Variants in MRAP2 observed in about 807,000 individuals in gnomAD.
MRAP2 encodes the protein melanocortin-2 receptor accessory protein 2.
Under a neutral mutation model 17.4 loss-of-function variants are expected in MRAP2, and 20 were observed. The ratio of observed to expected loss-of-function variants is 1.15; its 90% CI spans 0.81 to 1.67. The LOEUF is 1.67. Among genes scored for constraint, MRAP2 ranks in the 40% most tolerant of loss-of-function variants. The probability of loss-of-function intolerance (pLI) is 0.00; values close to 1 mark genes in which losing one functional copy is unlikely to be tolerated. For synonymous variants in MRAP2, 96 were observed against 88.4 expected, an observed-to-expected ratio of 1.09 and a Z score of -0.48; for missense variants, 238 against 240.0, an observed-to-expected ratio of 0.99 and a Z score of 0.05.
intron 2 of MRAP2, among the ~76,000 whole-genome samples, chr6:84,060,759 C>T (rs1053363169): frequency 2.6e-5 from 4 of 151,266 alleles, no homozygotes; most frequent in African/African-American, 7.3e-5. Context: ...GATCTTGGCT[C>T]ACTGCAAGCT....
At chr6:84,131,659 C>T in the MRAP2 span, among the ~76,000 whole-genome samples, 1 of 142,636 alleles carries the variant, frequency 7.0e-6, no homozygotes, top group Non-Finnish European at 1.5e-5. Flanking sequence ...AGGATTGCAA[C>T]CGCTGCTTTT....
the MRAP2 span, chr6:84,124,901 T>C: frequency 3.2e-6 from 2 of 631,662 alleles, no homozygotes; most frequent in East Asian, 2.8e-5. Context: ...CACCATTATA[T>C]GTTTTTTTTC....
chr6:84,106,856 G>A, the MRAP2 span, among the ~76,000 whole-genome samples: 6 of 152,234 alleles, frequency 3.9e-5, no homozygotes, highest in Admixed American at 3.9e-4. Flanking sequence ...CAGACAACAT[G>A]CAGTTCATGA....
At chr6:84,085,240 G>T (rs2099500119) in intron 3 of MRAP2, among the ~76,000 whole-genome samples, 1 of 152,010 alleles carries the variant, frequency 6.6e-6, no homozygotes, top group East Asian at 1.9e-4. Context: ...ATTTTTAGTA[G>T]AGAAGGGGTT....
At chr6:84,036,309 T>G (rs543556753) in intron 1 of MRAP2, among the ~76,000 whole-genome samples, 1 of 152,308 alleles carries the variant, frequency 6.6e-6, no homozygotes, top group South Asian at 2.1e-4. Flanking sequence ...ATATGAGGGT[T>G]GAGCAAGGAG....
At chr6:84,068,519 A>G (rs2099495333) in intron 3 of MRAP2, among the ~76,000 whole-genome samples, 1 of 152,168 alleles carries the variant, frequency 6.6e-6, no homozygotes, top group Non-Finnish European at 1.5e-5. Context: ...ATCCATGAGC[A>G]TGGGATGTGT....
the MRAP2 span, among the ~76,000 whole-genome samples, chr6:84,127,034 T>C: frequency 6.6e-6 from 1 of 152,132 alleles, no homozygotes; most frequent in Non-Finnish European, 1.5e-5. Context: ...AAAGTAGAAA[T>C]AATGAAGTAC....
the MRAP2 span, among the ~76,000 whole-genome samples, chr6:84,135,227 GA>G: frequency 5.3e-5 from 8 of 152,048 alleles, no homozygotes; most frequent in Non-Finnish European, 1.0e-4. Flanking sequence ...CTCAACTAAG[GA>G]CAGAAATAGC....
intron 3 of MRAP2, among the ~76,000 whole-genome samples, chr6:84,070,189 G>A (rs2099495863): frequency 6.6e-6 from 1 of 152,012 alleles, no homozygotes; most frequent in Admixed American, 6.6e-5. Flanking sequence ...ACCTTAGACT[G>A]TCAGTTTGTG....
chr6:84,119,794 G>C, the MRAP2 span, among the ~76,000 whole-genome samples: 40 of 152,266 alleles, frequency 2.6e-4, no homozygotes, highest in Non-Finnish European at 5.1e-4. Context: ...TCCCTGTACT[G>C]TTGGAAATAA....
At chr6:84,115,045 AC>A in the MRAP2 span, among the ~76,000 whole-genome samples, 1 of 152,108 alleles carries the variant, frequency 6.6e-6, no homozygotes, top group African/African-American at 2.4e-5. Flanking sequence ...GTCAGGATAA[AC>A]GGGGGTCAGG....
the MRAP2 span, among the ~76,000 whole-genome samples, chr6:84,099,855 T>C: frequency 6.7e-6 from 1 of 149,976 alleles, no homozygotes; most frequent in East Asian, 1.9e-4. Context: ...CTTCTTCTTC[T>C]CTCTCTCTTT....
intron 3 of MRAP2, among the ~76,000 whole-genome samples, chr6:84,070,216 G>C (rs2987728): frequency 6.6e-6 from 1 of 151,876 alleles, no homozygotes; most frequent in Non-Finnish European, 1.5e-5. Context: ...CAGTCTTTTC[G>C]ATGTAGGTGT....
chr6:84,076,684 A>G (rs1405199168), intron 3 of MRAP2, among the ~76,000 whole-genome samples: 2 of 152,094 alleles, frequency 1.3e-5, no homozygotes, highest in African/African-American at 4.8e-5. Flanking sequence ...TTAAAAGCCC[A>G]CTGGAAGTGA....
At chr6:84,135,883 G>C in the MRAP2 span, among the ~76,000 whole-genome samples, 1 of 152,128 alleles carries the variant, frequency 6.6e-6, no homozygotes, top group Non-Finnish European at 1.5e-5. Flanking sequence ...AAAAAAATGA[G>C]CCTGGTACAC....
At chr6:84,125,158 G>T in the MRAP2 span, 1 of 1,613,412 alleles carries the variant, frequency 6.2e-7, no homozygotes, top group Non-Finnish European at 8.5e-7. Flanking sequence ...ATCTAATATT[G>T]AGTCTAGTTC....
the MRAP2 span, among the ~76,000 whole-genome samples, chr6:84,143,515 G>A: frequency 4.6e-5 from 7 of 151,952 alleles, no homozygotes; most frequent in South Asian, 2.1e-4. Context: ...ATGTGTTTTC[G>A]TTAAGGGAAA....
chr6:84,122,373 AAAAG>A, the MRAP2 span, among the ~76,000 whole-genome samples: 471 of 150,750 alleles, frequency 3.1e-3, 1 homozygote, highest in African/African-American at 0.011. Flanking sequence ...AAAAAAAAAA[AAAAG>A]CATCATGATC....
At chr6:84,062,018 A>G (rs2099493298) in intron 2 of MRAP2, 3 of 985,344 alleles carry the variant, frequency 3.0e-6, no homozygotes, top group Admixed American at 1.2e-4. Flanking sequence ...GGCCATCTGT[A>G]TGTTCTCTGC....
Sources: gnomAD v4.1 joint callset for allele counts (sites outside exome capture counted in the v4.1 genomes callset) on GRCh38, gnomAD v4.1.1 for gene constraint, MANE v1.5 for transcripts, NCBI Gene and HGNC (gene_info 2026-07-23, HGNC 2026-07-21) for gene names.